Variants in FGF14 observed in about 807,000 individuals in gnomAD.
FGF14 encodes fibroblast growth factor homologous factor 4.
FGF14 carries 5 observed loss-of-function variants against 25.5 expected under a neutral mutation model. The ratio of observed to expected loss-of-function variants is 0.20; its 90% CI spans 0.10 to 0.41. The LOEUF is 0.41. Among genes scored for constraint, FGF14 ranks in the 10% least tolerant of loss-of-function variants. FGF14 has a pLI of 1.00. For synonymous variants in FGF14, 138 were observed against 118.3 expected (o/e 1.17, Z -1.08); for missense variants, 222 against 320.1 (o/e 0.69, Z 2.34).
At chr13:102,034,540 G>C (rs2041376462) in intron 1 of FGF14, among the ~76,000 whole-genome samples, 3 of 152,130 alleles carry the variant, frequency 2.0e-5, no homozygotes, top group Admixed American at 2.0e-4. Flanking sequence ...AGTCAAGTGA[G>C]GCACTAGCCT....
intron 1 of FGF14, among the ~76,000 whole-genome samples, chr13:102,384,141 AT>A (rs560109604): frequency 0.017 from 2,624 of 151,626 alleles, 82 homozygotes; most frequent in African/African-American, 0.058. Flanking sequence ...ATGATTTATA[AT>A]TTTTTTTTGA....
chr13:101,774,879 C>T (rs529348712), intron 3 of FGF14, among the ~76,000 whole-genome samples: 20 of 150,568 alleles, frequency 1.3e-4, no homozygotes, highest in African/African-American at 4.9e-4. Context: ...ATGGTGAAAC[C>T]GTGTCTCTAC....
chr13:101,873,695 A>G (rs752309628), intron 2 of FGF14, among the ~76,000 whole-genome samples: 19 of 152,284 alleles, frequency 1.2e-4, no homozygotes, highest in Non-Finnish European at 2.4e-4. Flanking sequence ...AGCCTGAACC[A>G]TAAGAAACTG....
At chr13:102,007,801 G>A (rs1302017550) in intron 1 of FGF14, among the ~76,000 whole-genome samples, 1 of 152,174 alleles carries the variant, frequency 6.6e-6, no homozygotes, top group African/African-American at 2.4e-5. Flanking sequence ...TTCTCCCGGG[G>A]ATGTCTTTTA....
At chr13:102,332,640 A>G (rs2056668167) in intron 1 of FGF14, among the ~76,000 whole-genome samples, 1 of 152,126 alleles carries the variant, frequency 6.6e-6, no homozygotes, top group African/African-American at 2.4e-5. Context: ...CCTCAAATAC[A>G]TCATCCACAG....
intron 3 of FGF14, among the ~76,000 whole-genome samples, chr13:101,762,386 C>G (rs888739068): frequency 6.6e-6 from 1 of 152,160 alleles, no homozygotes; most frequent in Admixed American, 6.5e-5. Flanking sequence ...AGATTCTAAA[C>G]AAGAAACTCA....
intron 1 of FGF14, among the ~76,000 whole-genome samples, chr13:102,088,512 T>C (rs568103022): frequency 1.2e-4 from 18 of 152,312 alleles, no homozygotes; most frequent in Non-Finnish European, 2.5e-4. Flanking sequence ...TTCATCAAGA[T>C]ATGGAGTAAT....
At chr13:102,093,032 T>C (rs1176653595) in intron 1 of FGF14, among the ~76,000 whole-genome samples, 1 of 152,160 alleles carries the variant, frequency 6.6e-6, no homozygotes, top group Non-Finnish European at 1.5e-5. Context: ...AACCTGTTGG[T>C]GTGGACACAT....
At chr13:102,196,792 G>A (rs574076235) in intron 1 of FGF14, among the ~76,000 whole-genome samples, 1 of 152,100 alleles carries the variant, frequency 6.6e-6, no homozygotes, top group Non-Finnish European at 1.5e-5. Flanking sequence ...TACTATTCCT[G>A]TCTACCAGAA....
chr13:101,797,735 ATGTGTGTGTGTGTGTGTGTGTGTG>A (rs1555384521), intron 3 of FGF14, among the ~76,000 whole-genome samples: 29 of 34,082 alleles, frequency 8.5e-4, no homozygotes, highest in African/African-American at 1.5e-3. Flanking sequence ...TCATGAATTG[ATGTGTGTGTGTGTGTGTGTGTGTG>A]TGTGTGTGTG....
intron 1 of FGF14, among the ~76,000 whole-genome samples, chr13:102,013,698 C>T (rs1433638315): frequency 1.3e-5 from 2 of 152,152 alleles, no homozygotes; most frequent in Admixed American, 6.5e-5. Context: ...CGTAAGGTTG[C>T]CTGGAAGTGT....
At chr13:101,806,971 A>G (rs1221572664) in intron 3 of FGF14, among the ~76,000 whole-genome samples, 1 of 152,128 alleles carries the variant, frequency 6.6e-6, no homozygotes, top group African/African-American at 2.4e-5. Context: ...AAATCTCCTT[A>G]TAACTTTCAC....
chr13:102,371,831 G>A (rs1279316894), intron 1 of FGF14, among the ~76,000 whole-genome samples: 1 of 152,092 alleles, frequency 6.6e-6, no homozygotes, highest in South Asian at 2.1e-4. Context: ...TAAAATATAT[G>A]TAAATAAAAT....
At chr13:102,003,675 T>G (rs2039627410) in intron 1 of FGF14, among the ~76,000 whole-genome samples, 1 of 151,814 alleles carries the variant, frequency 6.6e-6, no homozygotes, top group African/African-American at 2.4e-5. Context: ...CTTTTTTTTT[T>G]TTTTTAATTT....
At chr13:101,864,154 G>C (rs1026791443) in intron 3 of FGF14, among the ~76,000 whole-genome samples, 2 of 152,102 alleles carry the variant, frequency 1.3e-5, no homozygotes, top group African/African-American at 2.4e-5. Context: ...TGTATGGATA[G>C]GTAGGAGAGG....
chr13:101,769,344 C>T (rs893748558), intron 3 of FGF14, among the ~76,000 whole-genome samples: 28 of 124,756 alleles, frequency 2.2e-4, no homozygotes, highest in Admixed American at 1.8e-3. Flanking sequence ...TCATTCACTG[C>T]TGGTGGGAAT....
rs145000566 is a variant in FGF14, at chr13:101,900,506, T to C, written c.193+15947A>G. ...AAGGGGGACTTCACTACAGATTTTATGAACTACTAGCAGAGATAACATGAA... is the reference window on the plus strand; with the variant it reads ...AAGGGGGACTTCACTACAGATTTTACGAACTACTAGCAGAGATAACATGAA... On this transcript the variant is annotated intron_variant, in intron 1 of 4. Transcript: ENST00000376143. 5.9e-5 allele frequency among the ~76,000 whole-genome samples: 9 copies of C among 152,252 alleles called. No homozygotes were observed. In the East Asian group the frequency reaches 1.7e-3, roughly 29 times the overall value.
chr13:102,013,950 G>A (rs2040210203), intron 1 of FGF14, among the ~76,000 whole-genome samples: 1 of 152,138 alleles, frequency 6.6e-6, no homozygotes, highest in African/African-American at 2.4e-5. Flanking sequence ...GAGGTCAAAT[G>A]CTAATGTTCA....
At chr13:101,988,507 C>A (rs1361485876) in intron 1 of FGF14, among the ~76,000 whole-genome samples, 1 of 151,922 alleles carries the variant, frequency 6.6e-6, no homozygotes, top group Non-Finnish European at 1.5e-5. Flanking sequence ...ACATATACAC[C>A]ATGGAATACT....
Sources: gnomAD v4.1 joint callset for allele counts (sites outside exome capture counted in the v4.1 genomes callset) on GRCh38, gnomAD v4.1.1 for gene constraint, MANE v1.5 for transcripts, NCBI Gene and HGNC (gene_info 2026-07-23, HGNC 2026-07-21) for gene names.